PELI2: variants seen among roughly 807,000 people sequenced by gnomAD.
PELI2 encodes pellino E3 ubiquitin protein ligase family member 2.
PELI2 carries 23 observed loss-of-function variants against 42.3 expected under a neutral mutation model. That is an observed-to-expected ratio of 0.54 (90% CI 0.39 to 0.77). The LOEUF (loss-of-function observed/expected upper bound fraction) is 0.77, where lower values mean the gene tolerates loss of function less well. PELI2 is among the 30% of genes least tolerant of loss of function. The pLI is 0.00. For synonymous variants in PELI2, 245 were observed against 212.2 expected, an observed-to-expected ratio of 1.15 and a Z score of -1.34; for missense variants, 463 against 553.2, an observed-to-expected ratio of 0.84 and a Z score of 1.64.
At chr14:56,195,553 T>C (rs1886101486) in intron 2 of PELI2, among the ~76,000 whole-genome samples, 1 of 152,214 alleles carries the variant, frequency 6.6e-6, no homozygotes, top group South Asian at 2.1e-4. Flanking sequence ...TGGAAGGCCT[T>C]TCAGCAATTT....
chr14:56,195,399 C>T (rs190564521), intron 2 of PELI2, among the ~76,000 whole-genome samples: 47 of 152,220 alleles, frequency 3.1e-4, no homozygotes, highest in African/African-American at 1.1e-3. Flanking sequence ...CAGAGCTTCC[C>T]CTTCCTGTGA....
chr14:56,281,210 C>G (rs548825588), intron 3 of PELI2, among the ~76,000 whole-genome samples: 1 of 152,024 alleles, frequency 6.6e-6, no homozygotes, highest in Admixed American at 6.5e-5. Flanking sequence ...AAAGATTTAA[C>G]CAAAAAGTTG....
chr14:56,176,297 AGC>A (rs1216174687), intron 1 of PELI2, among the ~76,000 whole-genome samples: 3 of 152,238 alleles, frequency 2.0e-5, no homozygotes, highest in Non-Finnish European at 4.4e-5. Context: ...AGAAAGATGC[AGC>A]GCAGAGTTGT....
intron 1 of PELI2, among the ~76,000 whole-genome samples, chr14:56,140,728 G>A (rs1883874368): frequency 1.3e-5 from 2 of 152,172 alleles, no homozygotes; most frequent in South Asian, 2.1e-4. Context: ...ACTTAATAGT[G>A]TTTTCAATTT....
intron 5 of PELI2, among the ~76,000 whole-genome samples, chr14:56,291,998 C>T (rs562307468): frequency 4.5e-4 from 69 of 152,298 alleles, no homozygotes; most frequent in Non-Finnish European, 8.8e-4. Flanking sequence ...ATAAAGCATA[C>T]GCTGGAGTCC....
chr14:56,242,773 G>A (rs1336431523), intron 2 of PELI2, among the ~76,000 whole-genome samples: 1 of 152,220 alleles, frequency 6.6e-6, no homozygotes, highest in East Asian at 1.9e-4. Context: ...ATTATCGTAT[G>A]TTCTCAGTTG....
At chr14:56,294,227 G>A (rs1889927593) in intron 5 of PELI2, among the ~76,000 whole-genome samples, 1 of 152,200 alleles carries the variant, frequency 6.6e-6, no homozygotes. Context: ...GTGACATCCA[G>A]GTGAGACCTG....
At position 56,257,947 on chromosome 14, in the gene PELI2, A is replaced by G. The variant is rs1278444325; in HGVS notation, c.208-21729A>G. ...GTAGAGCTACAGAGGATACTCTCTG[A>G]GCCCTTGGTCAGGTACTGTTTTGTT... On this transcript the variant is annotated intron_variant, in intron 2 of 5. Transcript: ENST00000267460. Among the ~76,000 whole-genome samples the G allele has an allele frequency of 4.6e-5, 7 of 152,298 alleles. No homozygotes were observed. The East Asian group carries it at 1.2e-3, about 25-fold the overall frequency.
At chr14:56,230,641 A>C (rs1438791420) in intron 2 of PELI2, among the ~76,000 whole-genome samples, 1 of 152,228 alleles carries the variant, frequency 6.6e-6, no homozygotes, top group African/African-American at 2.4e-5. Context: ...AGCCACTGCA[A>C]AAACATGCCA....
chr14:56,126,437 C>T (rs987916615), intron 1 of PELI2, among the ~76,000 whole-genome samples: 1 of 152,250 alleles, frequency 6.6e-6, no homozygotes, highest in Non-Finnish European at 1.5e-5. Context: ...CTGCTTATCC[C>T]TGCTTTTCTG....
intron 1 of PELI2, among the ~76,000 whole-genome samples, chr14:56,133,967 T>A (rs1215918864): frequency 6.6e-6 from 1 of 152,244 alleles, no homozygotes; most frequent in African/African-American, 2.4e-5. Context: ...CTGTAGTTTT[T>A]AAGAATGTAT....
intron 2 of PELI2, among the ~76,000 whole-genome samples, chr14:56,235,798 T>G (rs1887772768): frequency 6.6e-6 from 1 of 152,232 alleles, no homozygotes; most frequent in Non-Finnish European, 1.5e-5. Context: ...CCAGTTTTCT[T>G]GTTGCTCATC....
In PELI2 at chr14:56,288,843, T is replaced by G. The variant is rs1449461296; in HGVS notation, c.507+209T>G. Among the ~76,000 whole-genome samples the G allele has an allele frequency of 6.6e-6, 1 of 152,232 alleles. No homozygotes were observed. The highest frequency in any genetic ancestry group is 1.5e-5 in the Non-Finnish European group (1 of 68,052). ...CTTGTTATTCATTATATTTTTTATA[T>G]TGTAATATTTACAGTAAGTACTTTT... On this transcript the variant is annotated intron_variant, in intron 4 of 5. Transcript: ENST00000267460. This position sits in a 1 kb window ranked among gnomAD's most constrained non-coding sequence, Gnocchi z 4.6.
rs1886193922 is a variant in PELI2 at position 56,197,993 on chromosome 14, CACACACA to C, written c.207+19530_207+19536del. 6.8e-6 allele frequency among the ~76,000 whole-genome samples: 1 copy of C among 146,384 alleles called. No individual in the cohort carries two copies. Among genetic ancestry groups the C allele is most frequent in the Non-Finnish European group, 1.5e-5 (1 of 66,924 alleles). ...AGACACACACACACACACACACACA[CACACACA>C]CACACACACACACCCACCTCTTTGG... On this transcript the variant is annotated intron_variant, in intron 2 of 5. Coordinates refer to ENST00000267460, the MANE Select transcript of PELI2 (RefSeq NM_021255.3). This position sits in a 1 kb window ranked among gnomAD's most constrained non-coding sequence, Gnocchi z 4.9.
chr14:56,290,529 C>T (rs1889795535), intron 5 of PELI2, 73 bp downstream of exon 5: 1 of 1,175,166 alleles, frequency 8.5e-7, no homozygotes, highest in Non-Finnish European at 1.2e-6. Context: ...TCATTTTCCT[C>T]CCCTGATGTT....
At chr14:56,199,612 A>G (rs772000464) in intron 2 of PELI2, among the ~76,000 whole-genome samples, 18 of 152,246 alleles carry the variant, frequency 1.2e-4, no homozygotes, top group Non-Finnish European at 2.1e-4. Context: ...ACTAGCAAGT[A>G]TTAGTGAAAA....
At chr14:56,224,623 G>C (rs2139756535) in intron 2 of PELI2, among the ~76,000 whole-genome samples, 1 of 152,290 alleles carries the variant, frequency 6.6e-6, no homozygotes, top group South Asian at 2.1e-4. Context: ...ACCCACTGCA[G>C]TTTGTCAGGA....
At chr14:56,145,072 A>T (rs897021855) in intron 1 of PELI2, 6 of 485,214 alleles carry the variant, frequency 1.2e-5, no homozygotes, top group African/African-American at 2.1e-5. Context: ...GGTTCTTTAT[A>T]AAGAAAAGAG....
intron 2 of PELI2, among the ~76,000 whole-genome samples, chr14:56,252,924 G>T (rs138602907): frequency 0.017 from 2,567 of 152,236 alleles, 65 homozygotes; most frequent in African/African-American, 0.059. Context: ...TTTCAGGCCA[G>T]TATCCCTGAT....
Sources: gnomAD v4.1 joint callset for allele counts (sites outside exome capture counted in the v4.1 genomes callset) on GRCh38, gnomAD v4.1.1 for gene constraint, Gnocchi (gnomAD v3.1) non-coding constraint, MANE v1.5 for transcripts, NCBI Gene and HGNC (gene_info 2026-07-23, HGNC 2026-07-21) for gene names.